Variants in UNC13C observed in about 807,000 individuals in gnomAD.
UNC13C encodes protein unc-13 homolog C.
Under a neutral mutation model 245.4 loss-of-function variants are expected in UNC13C, and 174 were observed. The observed-to-expected ratio is 0.71, with a 90% CI of 0.63 to 0.80. The LOEUF is 0.80. Ranked by LOEUF, UNC13C falls within the 30% of genes least tolerant of loss-of-function variation. The probability of loss-of-function intolerance (pLI) is 0.00; values close to 1 mark genes in which losing one functional copy is unlikely to be tolerated. For synonymous variants in UNC13C, 992 were observed against 895.1 expected, an observed-to-expected ratio of 1.11 and a Z score of -1.93; for missense variants, 2,829 against 2,602.9, an observed-to-expected ratio of 1.09 and a Z score of -1.89.
chr15:53,927,904 T>A, the UNC13C span, among the ~76,000 whole-genome samples: 1 of 152,168 alleles, frequency 6.6e-6, no homozygotes, highest in Non-Finnish European at 1.5e-5. Context: ...AGAAGCAAAG[T>A]AAATGATAGA....
At chr15:54,042,603 C>T (rs1309324031) in intron 2 of UNC13C, among the ~76,000 whole-genome samples, 2 of 152,096 alleles carry the variant, frequency 1.3e-5, no homozygotes, top group African/African-American at 4.8e-5. Flanking sequence ...CCTGTAATCC[C>T]AGCACTTTGG....
intron 10 of UNC13C, among the ~76,000 whole-genome samples, chr15:54,269,955 A>G (rs957490469): frequency 6.6e-6 from 1 of 152,186 alleles, no homozygotes; most frequent in African/African-American, 2.4e-5. Flanking sequence ...CACTTTACTG[A>G]TAAAATATTT....
At chr15:54,167,536 G>T (rs1379393810) in intron 4 of UNC13C, among the ~76,000 whole-genome samples, 1 of 118,476 alleles carries the variant, frequency 8.4e-6, no homozygotes, top group African/African-American at 3.1e-5. Flanking sequence ...AAAAATAAGA[G>T]AAGATACTCT....
intron 17 of UNC13C, among the ~76,000 whole-genome samples, chr15:54,373,664 C>T (rs2039543036): frequency 6.6e-6 from 1 of 152,216 alleles, no homozygotes; most frequent in Admixed American, 6.5e-5. Flanking sequence ...ACAGCCCTGG[C>T]TTGGGAGCTT....
At chr15:54,370,694 A>G (rs2039469015) in intron 17 of UNC13C, among the ~76,000 whole-genome samples, 1 of 152,152 alleles carries the variant, frequency 6.6e-6, no homozygotes, top group African/African-American at 2.4e-5. Flanking sequence ...ATTTTGGTTT[A>G]CAAGTCAGCA....
upstream of UNC13C, among the ~76,000 whole-genome samples, chr15:53,977,999 A>G (rs1305528766): frequency 1.3e-5 from 2 of 152,348 alleles, no homozygotes; most frequent in Admixed American, 1.3e-4. Flanking sequence ...TATCTCCTCT[A>G]TTTAAATACA....
the UNC13C span, among the ~76,000 whole-genome samples, chr15:53,961,375 C>A: frequency 6.6e-6 from 1 of 152,224 alleles, no homozygotes; most frequent in South Asian, 2.1e-4. Context: ...GCTACAGAAG[C>A]TGGTGTTCTA....
intron 2 of UNC13C, chr15:54,048,881 A>AGT (rs1245628616): frequency 7.9e-6 from 2 of 252,510 alleles, no homozygotes; most frequent in East Asian, 2.4e-4. Context: ...TTTTAGGCAA[A>AGT]GTGTCACTGT....
At chr15:53,869,414 G>A in the UNC13C span, among the ~76,000 whole-genome samples, 6 of 107,082 alleles carry the variant, frequency 5.6e-5, no homozygotes, top group African/African-American at 2.0e-4. Context: ...TTTACTCCAC[G>A]ATGTCATGCC....
At chr15:54,229,458 CTTTTTA>C (rs761257669) in intron 4 of UNC13C, among the ~76,000 whole-genome samples, 24 of 152,000 alleles carry the variant, frequency 1.6e-4, no homozygotes, top group Non-Finnish European at 3.1e-4. Context: ...AGCTGACAGT[CTTTTTA>C]TTTTTAATCA....
At chr15:54,182,240 G>A (rs1415091339) in intron 4 of UNC13C, among the ~76,000 whole-genome samples, 1 of 151,912 alleles carries the variant, frequency 6.6e-6, no homozygotes, top group Admixed American at 6.6e-5. Context: ...TTTTTATACT[G>A]AAGGGATGTT....
the UNC13C span, among the ~76,000 whole-genome samples, chr15:53,900,604 A>G: frequency 6.6e-6 from 1 of 152,246 alleles, no homozygotes; most frequent in Non-Finnish European, 1.5e-5. Flanking sequence ...GGAGGGCAAC[A>G]GTAGGATGTT....
intron 17 of UNC13C, among the ~76,000 whole-genome samples, chr15:54,361,491 A>T (rs2039229948): frequency 6.6e-6 from 1 of 152,174 alleles, no homozygotes; most frequent in Non-Finnish European, 1.5e-5. Flanking sequence ...TTTCATAGAT[A>T]CTCAATCTGT....
intron 17 of UNC13C, among the ~76,000 whole-genome samples, chr15:54,376,026 T>C (rs2039599711): frequency 6.6e-6 from 1 of 152,230 alleles, no homozygotes; most frequent in South Asian, 2.1e-4. Context: ...TTCTTGAGTA[T>C]TTTTTATTAG....
chr15:53,901,218 C>CT, the UNC13C span, among the ~76,000 whole-genome samples: 737 of 104,774 alleles, frequency 7.0e-3, 17 homozygotes, highest in African/African-American at 0.022. Flanking sequence ...TCATAGATTT[C>CT]TTTTTTTTTT....
chr15:53,974,201 T>G (rs1474972073), upstream of UNC13C, among the ~76,000 whole-genome samples: 1 of 152,230 alleles, frequency 6.6e-6, no homozygotes, highest in Non-Finnish European at 1.5e-5. Flanking sequence ...ATTATTGTGT[T>G]ACTGACTCAC....
At chr15:54,606,371 T>C (rs1436884955) in intron 30 of UNC13C, among the ~76,000 whole-genome samples, 1 of 152,236 alleles carries the variant, frequency 6.6e-6, no homozygotes, top group Non-Finnish European at 1.5e-5. Flanking sequence ...AAATTTAAGA[T>C]GCATGTGTTC....
chr15:54,075,674 C>G (rs556986584), intron 2 of UNC13C, among the ~76,000 whole-genome samples: 1 of 150,310 alleles, frequency 6.7e-6, no homozygotes, highest in Admixed American at 6.6e-5. Context: ...GTTGTTAATA[C>G]TATTAGCAGT....
chr15:54,492,508 C>A (rs1893762976), intron 19 of UNC13C, among the ~76,000 whole-genome samples: 1 of 151,942 alleles, frequency 6.6e-6, no homozygotes, highest in Admixed American at 6.6e-5. Context: ...AATTTACATG[C>A]ACAAATTTAA....
Sources: gnomAD v4.1 joint callset for allele counts (sites outside exome capture counted in the v4.1 genomes callset) on GRCh38, gnomAD v4.1.1 for gene constraint, MANE v1.5 for transcripts, NCBI Gene and HGNC (gene_info 2026-07-23, HGNC 2026-07-21) for gene names.